ZFC3H1: variants seen among roughly 807,000 people sequenced by gnomAD.
ZFC3H1 encodes the protein zinc finger C3H1-type containing.
In ZFC3H1, 71 loss-of-function variants were observed where a neutral mutation model predicts 243.7. The ratio of observed to expected loss-of-function variants is 0.29; its 90% confidence interval spans 0.24 to 0.36. The LOEUF (loss-of-function observed/expected upper bound fraction) is 0.36, where lower values mean the gene tolerates loss of function less well. Among genes scored for constraint, ZFC3H1 ranks in the 10% least tolerant of loss-of-function variants. The probability of loss-of-function intolerance (pLI) is 1.00; values close to 1 mark genes in which losing one functional copy is unlikely to be tolerated. For synonymous variants in ZFC3H1, 838 were observed against 813.0 expected (o/e 1.03, Z -0.52); for missense variants, 1,966 against 2,317.1 (o/e 0.85, Z 3.11).
At chr12:71,629,164 T>C in intron 19 of ZFC3H1, 127 bp from the exon 20 acceptor site, 1 of 962,328 alleles carries the variant, frequency 1.0e-6, no homozygotes, top group Non-Finnish European at 1.5e-6. Flanking sequence ...CGTATTTTTT[T>C]TTTTTTTTTG....
chr12:71,620,462 C>G (rs1879998238), intron 24 of ZFC3H1, 147 bp from the exon 25 acceptor site: 1 of 755,550 alleles, frequency 1.3e-6, no homozygotes, highest in East Asian at 2.6e-5. Flanking sequence ...CTTTACTGAG[C>G]TGGCTTTTAC....
intron 27 of ZFC3H1, among the ~76,000 whole-genome samples, chr12:71,618,237 C>A (rs1448589023): frequency 6.6e-6 from 1 of 151,352 alleles, no homozygotes; most frequent in Non-Finnish European, 1.5e-5. Flanking sequence ...TGCACCCCAG[C>A]CTGGGAGACA....
chr12:71,618,287 A>G (rs1879939540), intron 27 of ZFC3H1, among the ~76,000 whole-genome samples: 1 of 150,174 alleles, frequency 6.7e-6, no homozygotes. Flanking sequence ...TTAAAAAAAA[A>G]AAACAAAAAC....
chr12:71,646,914 C>CATTAAA (rs1880744198), intron 3 of ZFC3H1, among the ~76,000 whole-genome samples: 1 of 152,228 alleles, frequency 6.6e-6, no homozygotes, highest in South Asian at 2.1e-4. Context: ...ATTACTTGCT[C>CATTAAA]TGACACTTAA....
At chr12:71,638,537 A>G (rs970602300) in intron 6 of ZFC3H1, 22 bp from the exon 7 acceptor site, 11 of 1,555,710 alleles carry the variant, frequency 7.1e-6, no homozygotes, top group East Asian at 4.5e-5. Context: ...TTTTTTGTTA[A>G]GAGTTTAATA....
At chr12:71,662,454 A>C (rs963960142) in intron 1 of ZFC3H1, among the ~76,000 whole-genome samples, 2 of 152,088 alleles carry the variant, frequency 1.3e-5, no homozygotes, top group African/African-American at 4.8e-5. Flanking sequence ...AAAGCTCTGA[A>C]ACAGACTTGG....
intron 10 of ZFC3H1, 54 bp from the exon 11 acceptor site, chr12:71,634,879 C>A: frequency 6.5e-7 from 1 of 1,546,776 alleles, no homozygotes; most frequent in Non-Finnish European, 8.6e-7. Context: ...TCCAAAATTC[C>A]ATACTAAGAT....
intron 18 of ZFC3H1, among the ~76,000 whole-genome samples, chr12:71,630,130 C>T (rs1331174564): frequency 1.3e-5 from 2 of 152,164 alleles, no homozygotes; most frequent in Non-Finnish European, 2.9e-5. Flanking sequence ...TATTTGCTCA[C>T]AAGTGTATCA....
At chr12:71,622,208 G>A (rs1880048300) in intron 24 of ZFC3H1, among the ~76,000 whole-genome samples, 1 of 151,968 alleles carries the variant, frequency 6.6e-6, no homozygotes, top group South Asian at 2.1e-4. Flanking sequence ...CCTTCACAGG[G>A]TATTTAATAA....
intron 6 of ZFC3H1, among the ~76,000 whole-genome samples, chr12:71,640,539 G>A (rs1488193729): frequency 6.6e-6 from 1 of 152,188 alleles, no homozygotes; most frequent in African/African-American, 2.4e-5. Flanking sequence ...CAAGGTATTT[G>A]CAGCCTCAGA....
Position 71,623,439 on chromosome 12 carries a change from G to A in ZFC3H1, c.4665C>T (p.Asn1555=). 6.2e-7 allele frequency: 1 copy of A among 1,613,704 alleles called. No individual in the cohort carries two copies. The highest frequency in any genetic ancestry group is 1.3e-5 in the African/African-American group (1 of 75,016). Residue 1555 remains asparagine (N), a synonymous_variant, in exon 24 of 35, where the codon AAC becomes AAT. Coordinates refer to ENST00000378743, the MANE Select transcript of ZFC3H1 (RefSeq NM_144982.5). The part of the protein sequence containing the change: ...PSNDNPSRIV[N]TESFVMPWQA... The stretch of plus-strand genomic sequence containing the variant: ...GCCATGGCATTACAAATGATTCAGT[G>A]TTAACAATTCTTGAAGGATTATCAT...
chr12:71,630,508 T>A (rs1309929556), intron 18 of ZFC3H1, 92 bp downstream of exon 18: 1 of 1,449,220 alleles, frequency 6.9e-7, no homozygotes, highest in African/African-American at 1.4e-5. Context: ...TGAATTATAG[T>A]AAGTATTTTA....
At chr12:71,622,331 C>T (rs1187411047) in intron 24 of ZFC3H1, among the ~76,000 whole-genome samples, 1 of 152,210 alleles carries the variant, frequency 6.6e-6, no homozygotes, top group East Asian at 1.9e-4. Context: ...GATAGCCATG[C>T]TTCGACATCT....
At chr12:71,640,696 G>A (rs1880579148) in intron 6 of ZFC3H1, among the ~76,000 whole-genome samples, 1 of 152,148 alleles carries the variant, frequency 6.6e-6, no homozygotes, top group Admixed American at 6.5e-5. Context: ...GCTCCAGCTG[G>A]CCAGGGGCAG....
chr12:71,615,101 C>T (rs1007319335), intron 28 of ZFC3H1, 105 bp downstream of exon 28: 2 of 1,171,248 alleles, frequency 1.7e-6, no homozygotes, highest in Non-Finnish European at 2.5e-6. Flanking sequence ...AATTGTGCTT[C>T]AATGACTTTA....
At chr12:71,637,090 G>T (rs199750841) in intron 7 of ZFC3H1, 31 bp from the exon 8 acceptor site, 1 of 1,571,430 alleles carries the variant, frequency 6.4e-7, no homozygotes, top group Admixed American at 1.9e-5. Flanking sequence ...GAATTACAAC[G>T]CAAATTTTAT....
Position 71,631,954 on chromosome 12 carries a change from T to C in ZFC3H1, c.3360+18A>G. The C allele has an allele frequency of 2.5e-6, 4 of 1,602,040 alleles. No homozygotes were observed. Among genetic ancestry groups the C allele is most frequent in the Non-Finnish European group, 3.4e-6 (4 of 1,175,960 alleles). Reference sequence around the variant, plus strand: ...GGTGAATTCCAGATTTTAAAGAAAATATGAAATGTTCAGTTACCTGACCAT... The same window carrying C: ...GGTGAATTCCAGATTTTAAAGAAAACATGAAATGTTCAGTTACCTGACCAT... On this transcript the variant is annotated intron_variant, in intron 15 of 34. Coordinates refer to ENST00000378743, the MANE Select transcript of ZFC3H1 (RefSeq NM_144982.5).
At chr12:71,642,742 C>G (rs1880630752) in intron 5 of ZFC3H1, among the ~76,000 whole-genome samples, 183 bp from the exon 6 acceptor site, 1 of 152,132 alleles carries the variant, frequency 6.6e-6, no homozygotes. Context: ...CATTTTATAA[C>G]TGTATAATCA....
At chr12:71,621,250 A>G (rs749392982) in intron 24 of ZFC3H1, among the ~76,000 whole-genome samples, 2 of 152,214 alleles carry the variant, frequency 1.3e-5, no homozygotes, top group African/African-American at 4.8e-5. Flanking sequence ...TTCTATGTGA[A>G]TAACACTCAA....
Sources: gnomAD v4.1 joint callset for allele counts (sites outside exome capture counted in the v4.1 genomes callset) on GRCh38, gnomAD v4.1.1 for gene constraint, MANE v1.5 for transcripts, NCBI Gene and HGNC (gene_info 2026-07-23, HGNC 2026-07-21) for gene names.